Variants in DOP1B observed in about 807,000 individuals in gnomAD.
The protein encoded by DOP1B is DOP1 leucine zipper like protein B.
A neutral mutation model predicts 233.5 loss-of-function variants in DOP1B; 174 were observed. The ratio of observed to expected loss-of-function variants is 0.75; its 90% confidence interval spans 0.66 to 0.85. The LOEUF (loss-of-function observed/expected upper bound fraction) is 0.85. Ranked by LOEUF, DOP1B falls within the 40% of genes least tolerant of loss-of-function variation. The pLI, the probability that DOP1B is intolerant of heterozygous loss-of-function variation, is 0.00. For synonymous variants in DOP1B, 1,190 were observed against 1,185.6 expected (o/e 1.00, Z -0.08); for missense variants, 2,652 against 2,846.6 (o/e 0.93, Z 1.56).
Position 36,208,801 on chromosome 21 carries a change from C to A in DOP1B, c.578C>A (p.Pro193Gln). ...CTCTGGGGGAGCGTCCTGGCCAGCC[C>A]GTCCATCCGCCTCCCTGCCTCAGTC... The part of the protein sequence containing the change: ...TALWGSVLAS[P>Q]SIRLPASVFV... Residue 193 changes from proline (P) to glutamine (Q), a missense_variant, in exon 5 of 37, where the codon CCG (proline) becomes CAG (glutamine). Physicochemically the swap from Pro to Gln is moderately conservative, Grantham distance 76 (BLOSUM62 -1). Around this residue, in one of 3 missense-constraint regions of DOP1B, gnomAD observed 2,617 missense variants for 2,794.3 expected, o/e 0.94. Transcript: ENST00000691173. 6.2e-7 allele frequency: 1 copy of A among 1,608,844 alleles called. No individual in the cohort carries two copies.
At chr21:36,251,594 A>AT (rs2067033642) in intron 22 of DOP1B, among the ~76,000 whole-genome samples, 1 of 151,980 alleles carries the variant, frequency 6.6e-6, no homozygotes, top group Non-Finnish European at 1.5e-5. Flanking sequence ...TAATTTTTGT[A>AT]TTTTTTAGTA....
chr21:36,218,994 C>T (rs1476266113), intron 9 of DOP1B, among the ~76,000 whole-genome samples: 1 of 152,226 alleles, frequency 6.6e-6, no homozygotes, highest in East Asian at 1.9e-4. Context: ...ACGTAGTCTG[C>T]GCTCTGCCTC....
At position 36,204,658 on chromosome 21, in the gene DOP1B, A is replaced by ATTTTTTTTTTTTTT. The variant is rs56725433; in HGVS notation, c.492-4054_492-4041dup. Among the ~76,000 whole-genome samples, 28 of 115,174 alleles carry ATTTTTTTTTTTTTT rather than the reference A, an allele frequency of 2.4e-4. 4 individuals carry two copies. Among genetic ancestry groups the ATTTTTTTTTTTTTT allele is most frequent in the East Asian group, 7.2e-4 (3 of 4,190 alleles). The allele number at this position is 115,174 out of a possible 152,430, so 75.6% of individuals were successfully genotyped here. On this transcript the variant is annotated intron_variant, in intron 4 of 36. Coordinates refer to ENST00000691173, the MANE Select transcript of DOP1B (RefSeq NM_001320714.2). Reference sequence around the variant, plus strand: ...GCCACCCCTTTTGGCTGACATTTCTATTTTTTTTTTTTTTTTGAGACAGTC... The same window carrying ATTTTTTTTTTTTTT: ...GCCACCCCTTTTGGCTGACATTTCTATTTTTTTTTTTTTTTTTTTTTTTTTTTTTTGAGACAGTC...
intron 4 of DOP1B, among the ~76,000 whole-genome samples, chr21:36,206,866 C>A (rs2123484477): frequency 6.6e-6 from 1 of 152,310 alleles, no homozygotes; most frequent in East Asian, 1.9e-4. Flanking sequence ...ATACACTTAG[C>A]CATTACTTAT....
At chr21:36,292,654 C>G (rs1569075641) in intron 36 of DOP1B, among the ~76,000 whole-genome samples, 1 of 149,406 alleles carries the variant, frequency 6.7e-6, no homozygotes, top group Non-Finnish European at 1.5e-5. Flanking sequence ...CTCTGTTGCC[C>G]AGACTGGAGT....
Position 36,292,184 on chromosome 21 carries a change from G to A in DOP1B, c.6596G>A (p.Cys2199Tyr). 6.2e-7 allele frequency: 1 copy of A among 1,612,272 alleles called. No homozygotes were observed. Among genetic ancestry groups the A allele is most frequent in the Non-Finnish European group, 8.5e-7 (1 of 1,179,238 alleles). Reference sequence around the variant, plus strand: ...GATGTAGAGGAGAATCACCAAGAATGCAAACCCCACACTGTCAGGATTCTA... The same window carrying A: ...GATGTAGAGGAGAATCACCAAGAATACAAACCCCACACTGTCAGGATTCTA... ...LSDVEENHQE[C>Y]KPHTVRILEL... The change falls in exon 36 of 37, where the codon TGC becomes TAC. Residue 2199 changes from cysteine (C) to tyrosine (Y), a missense_variant. Transcript: ENST00000691173.
At position 36,260,647 on chromosome 21, in the gene DOP1B, C is replaced by CG. The variant is rs751312092; in HGVS notation, c.5260-28dup. 1.6e-5 allele frequency: 26 copies of CG among 1,612,836 alleles called. No homozygotes were observed. The East Asian group carries it at 4.2e-4, about 26-fold the overall frequency. ...CTTTTAGCCTTATTTCCCACCAACTCGGAGTAATTGGTTTTACTTTCATTT... is the reference window on the plus strand; with the variant it reads ...CTTTTAGCCTTATTTCCCACCAACTCGGGAGTAATTGGTTTTACTTTCATTT... On this transcript the variant is annotated intron_variant, in intron 23 of 36. Transcript: ENST00000691173.
chr21:36,251,673 G>A (rs1271858603), intron 22 of DOP1B, among the ~76,000 whole-genome samples: 1 of 152,030 alleles, frequency 6.6e-6, no homozygotes, highest in Non-Finnish European at 1.5e-5. Flanking sequence ...CACCCACCTC[G>A]GCCTCCTAAA....
intron 26 of DOP1B, among the ~76,000 whole-genome samples, chr21:36,269,645 C>G (rs1048276792): frequency 6.6e-6 from 1 of 151,976 alleles, no homozygotes; most frequent in Admixed American, 6.6e-5. Flanking sequence ...CTAAGCCTCC[C>G]GAGTACTGGG....
chr21:36,270,552 C>CA (rs398040600), intron 27 of DOP1B, among the ~76,000 whole-genome samples: 400 of 36,792 alleles, frequency 0.011, 67 homozygotes, highest in African/African-American at 0.021. Context: ...GACTCCGTCT[C>CA]AAAAAAAAAA....
At chr21:36,209,029 T>C in intron 5 of DOP1B, 125 bp downstream of exon 5, 2 of 1,140,676 alleles carry the variant, frequency 1.8e-6, no homozygotes, top group East Asian at 3.1e-5. Context: ...CAAGCTTAAG[T>C]CTGGGTAACG....
At chr21:36,259,264 C>CTTT (rs11411588) in intron 23 of DOP1B, among the ~76,000 whole-genome samples, 7 of 136,642 alleles carry the variant, frequency 5.1e-5, no homozygotes, top group Admixed American at 7.5e-5. Flanking sequence ...TGCGCCCGGG[C>CTTT]TTTTTTTTTT....
intron 18 of DOP1B, among the ~76,000 whole-genome samples, chr21:36,243,917 C>T (rs2066922550): frequency 6.6e-6 from 1 of 151,846 alleles, no homozygotes; most frequent in Non-Finnish European, 1.5e-5. Flanking sequence ...AAGCAATCCT[C>T]CTACCTTGGC....
At position 36,293,363 on chromosome 21, in the gene DOP1B, C is replaced by G; in HGVS notation, c.6689C>G (p.Pro2230Arg). 6.2e-7 allele frequency: 1 copy of G among 1,614,100 alleles called. No individual in the cohort carries two copies. The highest frequency in any genetic ancestry group is 8.5e-7 in the Non-Finnish European group (1 of 1,180,022). The change falls in exon 37 of 37, where the codon CCG becomes CGG. Residue 2230 changes from proline to arginine, a missense_variant. Around this residue, in one of 3 missense-constraint regions of DOP1B, gnomAD observed 2,617 missense variants for 2,794.3 expected, o/e 0.94. Transcript: ENST00000691173. ...GAGATCACCATGAAGAGTGAATTCC[C>G]GCTTCTGCGCCAACATTCTGTTTCC... The part of the protein sequence containing the change: ...SDEITMKSEF[P>R]LLRQHSVSSI...
chr21:36,167,508 C>G (rs573190625), intron 2 of DOP1B, among the ~76,000 whole-genome samples: 5 of 152,156 alleles, frequency 3.3e-5, no homozygotes, highest in African/African-American at 7.2e-5. Flanking sequence ...AGGGCACAGT[C>G]TTCATTATTT....
chr21:36,207,431 C>G (rs989517541), intron 4 of DOP1B, among the ~76,000 whole-genome samples: 1 of 151,536 alleles, frequency 6.6e-6, no homozygotes, highest in Non-Finnish European at 1.5e-5. Flanking sequence ...GTGATCCACC[C>G]GCCTCAGCCT....
At chr21:36,167,940 C>CTTTTT (rs869190433) in intron 2 of DOP1B, among the ~76,000 whole-genome samples, 39 of 40,020 alleles carry the variant, frequency 9.7e-4, no homozygotes, top group Admixed American at 2.1e-3. Flanking sequence ...TTTTCTTTTT[C>CTTTTT]TTTTTTTTTT....
At chr21:36,190,255 G>T (rs796449202) in intron 2 of DOP1B, among the ~76,000 whole-genome samples, 2 of 151,796 alleles carry the variant, frequency 1.3e-5, no homozygotes, top group East Asian at 3.9e-4. Context: ...AACCCAGGAG[G>T]CGGAGGTTGC....
At chr21:36,276,901 T>C in intron 27 of DOP1B, 120 bp from the exon 28 acceptor site, 1 of 863,388 alleles carries the variant, frequency 1.2e-6, no homozygotes, top group Non-Finnish European at 1.8e-6. Flanking sequence ...CTGAGTCATA[T>C]GGACACAATT....
Sources: gnomAD v4.1 joint callset for allele counts (sites outside exome capture counted in the v4.1 genomes callset) on GRCh38, gnomAD v4.1.1 for gene constraint, gnomAD v4.1.1 regional missense constraint, MANE v1.5 for transcripts, NCBI Gene and HGNC (gene_info 2026-07-23, HGNC 2026-07-21) for gene names.